The following PPFIBP2 variants were observed in gnomAD, a reference collection of about 807,000 sequenced individuals.
PPFIBP2 encodes the protein PPFIB scaffold protein 2, also known as liprin-beta-2.
In PPFIBP2, 118 loss-of-function variants were observed where a neutral mutation model predicts 118.3. The ratio of observed to expected loss-of-function variants is 1.00; its 90% CI spans 0.86 to 1.16. The LOEUF is 1.16. Among genes scored for constraint, PPFIBP2 ranks in the 50% most tolerant of loss-of-function variants. The probability of loss-of-function intolerance (pLI) is 0.00; values close to 1 mark genes in which losing one functional copy is unlikely to be tolerated. For synonymous variants in PPFIBP2, 414 were observed against 397.4 expected (o/e 1.04, Z -0.50); for missense variants, 1,195 against 1,073.1 (o/e 1.11, Z -1.59).
chr11:7,535,485 C>A (rs1051292702), intron 1 of PPFIBP2, among the ~76,000 whole-genome samples: 4 of 152,186 alleles, frequency 2.6e-5, no homozygotes, highest in Non-Finnish European at 4.4e-5. Context: ...CTTATCTTTA[C>A]TGCTTCCTGG....
chr11:7,641,282 T>C (rs1253633541), intron 15 of PPFIBP2, among the ~76,000 whole-genome samples, 197 bp from the exon 16 acceptor site: 1 of 152,216 alleles, frequency 6.6e-6, no homozygotes, highest in Non-Finnish European at 1.5e-5. Flanking sequence ...ATTTGAAATA[T>C]TGAGCACACT....
intron 3 of PPFIBP2, among the ~76,000 whole-genome samples, chr11:7,570,373 G>T (rs1019987489): frequency 6.6e-6 from 1 of 152,152 alleles, no homozygotes; most frequent in Non-Finnish European, 1.5e-5. Flanking sequence ...GTAGCCATGG[G>T]TGCTTCTCTA....
chr11:7,620,672 A>G (rs1590643565), intron 6 of PPFIBP2, among the ~76,000 whole-genome samples: 1 of 152,220 alleles, frequency 6.6e-6, no homozygotes, highest in East Asian at 1.9e-4. Flanking sequence ...CACAGAGGAC[A>G]TAGATGTCAG....
the PPFIBP2 span, among the ~76,000 whole-genome samples, chr11:7,664,591 A>C: frequency 1.2e-4 from 18 of 152,332 alleles, no homozygotes; most frequent in Non-Finnish European, 2.5e-4. Flanking sequence ...CCCTCAGTTG[A>C]GAACCAGTAG....
intron 17 of PPFIBP2, 62 bp from the exon 18 acceptor site, chr11:7,648,325 G>A: frequency 1.3e-6 from 2 of 1,516,138 alleles, no homozygotes; most frequent in Non-Finnish European, 1.8e-6. Context: ...TGTGAGACAT[G>A]ATTAGATTCA....
At chr11:7,657,583 C>T (rs1854782016), downstream of PPFIBP2, among the ~76,000 whole-genome samples, 2 of 152,156 alleles carry the variant, frequency 1.3e-5, no homozygotes, top group South Asian at 4.1e-4. Flanking sequence ...TCCGTGTTTC[C>T]ACCCCAACTC....
At chr11:7,656,967 G>A, downstream of PPFIBP2, 1 of 416,000 alleles carries the variant, frequency 2.4e-6, no homozygotes, top group Non-Finnish European at 4.6e-6. Context: ...GGTGTCCAGG[G>A]GTGGCCCCAG....
At chr11:7,582,849 G>A (rs1431116632) in intron 3 of PPFIBP2, among the ~76,000 whole-genome samples, 1 of 152,056 alleles carries the variant, frequency 6.6e-6, no homozygotes, top group Non-Finnish European at 1.5e-5. Flanking sequence ...GGCTATCCCA[G>A]TATCCTGTCC....
chr11:7,577,320 CGTGTGTGTGTGT>C (rs148907232), intron 3 of PPFIBP2: 2,810 of 219,762 alleles, frequency 0.013, 56 homozygotes, highest in African/African-American at 0.073. Flanking sequence ...CATGTATGTG[CGTGTGTGTGTGT>C]GTGTGTGTGT....
intron 1 of PPFIBP2, among the ~76,000 whole-genome samples, chr11:7,529,130 G>A (rs779546835): frequency 6.6e-6 from 1 of 152,034 alleles, no homozygotes; most frequent in Non-Finnish European, 1.5e-5. Context: ...CTGCAGTGAC[G>A]CAGGATTTCA....
chr11:7,562,327 G>A (rs1854392186), intron 2 of PPFIBP2, among the ~76,000 whole-genome samples: 1 of 152,176 alleles, frequency 6.6e-6, no homozygotes, highest in Non-Finnish European at 1.5e-5. Flanking sequence ...CTGACAGGTA[G>A]CCATATTTCC....
At chr11:7,585,610 C>G (rs1396065230) in intron 3 of PPFIBP2, among the ~76,000 whole-genome samples, 1 of 152,200 alleles carries the variant, frequency 6.6e-6, no homozygotes, top group African/African-American at 2.4e-5. Context: ...ATAAAGCAGT[C>G]ATGCTGCCCA....
At chr11:7,605,004 G>A (rs1847163380) in intron 5 of PPFIBP2, among the ~76,000 whole-genome samples, 1 of 152,218 alleles carries the variant, frequency 6.6e-6, no homozygotes, top group African/African-American at 2.4e-5. Context: ...TCAGGAGACT[G>A]AGAAATAGCC....
intron 1 of PPFIBP2, among the ~76,000 whole-genome samples, chr11:7,532,601 G>C (rs1172271445): frequency 6.6e-6 from 1 of 152,194 alleles, no homozygotes; most frequent in African/African-American, 2.4e-5. Flanking sequence ...AGTAGTTTCT[G>C]TGCAGTGTCT....
intron 7 of PPFIBP2, among the ~76,000 whole-genome samples, chr11:7,622,620 G>A (rs912191240): frequency 6.6e-6 from 1 of 152,202 alleles, no homozygotes; most frequent in African/African-American, 2.4e-5. Context: ...TGAAATGGAT[G>A]TACAGAGAGA....
At chr11:7,645,044 A>C (rs1157734654) in intron 17 of PPFIBP2, among the ~76,000 whole-genome samples, 3 of 150,666 alleles carry the variant, frequency 2.0e-5, no homozygotes, top group Admixed American at 6.6e-5. Flanking sequence ...AAAAAAAAAA[A>C]AAAAAAAAAA....
chr11:7,629,221 C>A (rs1457553491), intron 9 of PPFIBP2, among the ~76,000 whole-genome samples: 2 of 152,054 alleles, frequency 1.3e-5, no homozygotes, highest in African/African-American at 4.8e-5. Context: ...ATGTTTAAGC[C>A]CTGTGAAGGG....
chr11:7,665,726 C>A, the PPFIBP2 span: 1 of 1,186,360 alleles, frequency 8.4e-7, no homozygotes, highest in Non-Finnish European at 1.2e-6. Context: ...CCCTCTGCAG[C>A]AATCACCCCA....
At chr11:7,553,377 A>G (rs1853221074) in intron 2 of PPFIBP2, among the ~76,000 whole-genome samples, 1 of 152,190 alleles carries the variant, frequency 6.6e-6, no homozygotes, top group African/African-American at 2.4e-5. Flanking sequence ...TTTCTATGCT[A>G]TTCTTGATAA....
Sources: gnomAD v4.1 joint callset for allele counts (sites outside exome capture counted in the v4.1 genomes callset) on GRCh38, gnomAD v4.1.1 for gene constraint, MANE v1.5 for transcripts, NCBI Gene and HGNC (gene_info 2026-07-23, HGNC 2026-07-21) for gene names.